Variants in SRGAP3 observed in about 807,000 individuals in gnomAD.
The protein encoded by SRGAP3 is SLIT-ROBO Rho GTPase activating protein 3, also known as SLIT-ROBO Rho GTPase-activating protein 3.
SRGAP3 carries 39 observed loss-of-function variants against 121.1 expected under a neutral mutation model. That is an observed-to-expected ratio of 0.32 (90% confidence interval 0.25 to 0.42). The LOEUF (loss-of-function observed/expected upper bound fraction) is 0.42. Ranked by LOEUF, SRGAP3 falls within the 10% of genes least tolerant of loss-of-function variation. SRGAP3 has a pLI of 1.00. For missense variants in SRGAP3, 1,213 were observed against 1,470.6 expected, an observed-to-expected ratio of 0.82 and a Z score of 2.86; for synonymous variants, 601 against 570.0, an observed-to-expected ratio of 1.05 and a Z score of -0.77.
chr3:9,360,512 T>C (rs2125298728), intron 1 of SRGAP3, among the ~76,000 whole-genome samples: 1 of 152,314 alleles, frequency 6.6e-6, no homozygotes, highest in East Asian at 1.9e-4. Context: ...TGGACGTGTA[T>C]TAGTCCATTT....
intron 1 of SRGAP3, among the ~76,000 whole-genome samples, chr3:9,148,935 A>C (rs1950116422): frequency 6.6e-6 from 1 of 152,096 alleles, no homozygotes; most frequent in Non-Finnish European, 1.5e-5. Flanking sequence ...GAAACTGGAG[A>C]CTGGGTATGG....
intron 1 of SRGAP3, among the ~76,000 whole-genome samples, chr3:9,227,671 C>T (rs951431586): frequency 1.3e-5 from 2 of 152,192 alleles, no homozygotes; most frequent in Non-Finnish European, 2.9e-5. Context: ...AATTACATTG[C>T]GATGTTTTTA....
chr3:9,256,882 G>A (rs969008355), intron 3 of SRGAP3: 1 of 398,588 alleles, frequency 2.5e-6, no homozygotes. Context: ...CTGCAATCTA[G>A]CTTAAAGCTT....
At chr3:9,024,221 G>A (rs1944072761) in intron 14 of SRGAP3, among the ~76,000 whole-genome samples, 1 of 152,188 alleles carries the variant, frequency 6.6e-6, no homozygotes, top group African/African-American at 2.4e-5. Flanking sequence ...GAAGAAGGCA[G>A]TAAATCAGAG....
At chr3:9,137,117 T>C (rs1450780549) in intron 1 of SRGAP3, among the ~76,000 whole-genome samples, 1 of 152,028 alleles carries the variant, frequency 6.6e-6, no homozygotes. Flanking sequence ...CACAGAGAGG[T>C]GAAATGACAT....
intron 11 of SRGAP3, chr3:9,034,802 A>G (rs921939980): frequency 6.6e-6 from 1 of 152,200 alleles, no homozygotes; most frequent in African/African-American, 2.4e-5. Flanking sequence ...CAAATACCAA[A>G]GGCAAAAGAG....
intron 20 of SRGAP3, chr3:8,992,585 G>A: frequency 2.2e-6 from 1 of 460,676 alleles, no homozygotes; most frequent in Non-Finnish European, 4.0e-6. Flanking sequence ...GCTGGAAGGA[G>A]GTGCAGGAAC....
At chr3:9,046,298 G>A (rs1003177056) in intron 10 of SRGAP3, among the ~76,000 whole-genome samples, 1 of 152,240 alleles carries the variant, frequency 6.6e-6, no homozygotes, top group African/African-American at 2.4e-5. Flanking sequence ...GGTGCTGACT[G>A]CAAAGGAGCA....
At chr3:9,197,353 G>A (rs973574032) in intron 1 of SRGAP3, among the ~76,000 whole-genome samples, 1 of 152,216 alleles carries the variant, frequency 6.6e-6, no homozygotes. Flanking sequence ...AAGTCATCCT[G>A]CTGAGAACTG....
intron 21 of SRGAP3, among the ~76,000 whole-genome samples, chr3:8,987,186 T>C (rs1389072599): frequency 6.6e-6 from 1 of 152,186 alleles, no homozygotes; most frequent in Non-Finnish European, 1.5e-5. Context: ...GTGGTGGTTT[T>C]CAAAATCCTT....
chr3:9,237,078 C>T (rs1953439629), intron 1 of SRGAP3, among the ~76,000 whole-genome samples: 1 of 152,182 alleles, frequency 6.6e-6, no homozygotes, highest in Non-Finnish European at 1.5e-5. Context: ...GATTTTTCAT[C>T]TTCCTGCATT....
chr3:9,253,641 A>G (rs911552825), upstream of SRGAP3, among the ~76,000 whole-genome samples: 2 of 152,240 alleles, frequency 1.3e-5, no homozygotes, highest in African/African-American at 4.8e-5. Context: ...ATCCTTGGGC[A>G]GCTCAGTGAA....
chr3:9,086,510 A>G (rs1311887212), intron 3 of SRGAP3, among the ~76,000 whole-genome samples: 1 of 127,504 alleles, frequency 7.8e-6, no homozygotes, highest in Admixed American at 8.2e-5. Flanking sequence ...ACAGAATGAG[A>G]CTGTTTCAAA....
At chr3:9,112,590 C>G (rs1948669545) in intron 2 of SRGAP3, among the ~76,000 whole-genome samples, 1 of 152,122 alleles carries the variant, frequency 6.6e-6, no homozygotes, top group African/African-American at 2.4e-5. Flanking sequence ...ATACATGGAG[C>G]CTGGAGAGTC....
chr3:9,356,344 A>C (rs1575033240), intron 1 of SRGAP3, among the ~76,000 whole-genome samples: 1 of 131,968 alleles, frequency 7.6e-6, no homozygotes. Context: ...GGTATGCACT[A>C]TCATGGCCAG....
chr3:9,267,821 A>C (rs999616827), intron 3 of SRGAP3, among the ~76,000 whole-genome samples: 1 of 152,164 alleles, frequency 6.6e-6, no homozygotes, highest in Admixed American at 6.5e-5. Context: ...TAATAATGGG[A>C]ATAACAGTTG....
chr3:9,139,885 A>G (rs1456384268), intron 1 of SRGAP3, among the ~76,000 whole-genome samples: 1 of 152,166 alleles, frequency 6.6e-6, no homozygotes, highest in African/African-American at 2.4e-5. Context: ...CAAGATTTGC[A>G]TGATCTAGAC....
intron 4 of SRGAP3, 84 bp downstream of exon 4, chr3:9,079,941 G>C (rs1560097964): frequency 2.7e-6 from 4 of 1,490,926 alleles, no homozygotes; most frequent in Non-Finnish European, 3.7e-6. Flanking sequence ...GGTCATTCCA[G>C]ACCTCTGTTT....
intron 3 of SRGAP3, among the ~76,000 whole-genome samples, chr3:9,259,611 T>C (rs763497510): frequency 1.7e-4 from 26 of 152,098 alleles, no homozygotes; most frequent in Non-Finnish European, 2.9e-4. Flanking sequence ...CCCAGCTACA[T>C]ATTTGTTTGT....
Sources: allele counts gnomAD v4.1 joint callset (sites outside exome capture counted in the v4.1 genomes callset), GRCh38; gene constraint gnomAD v4.1.1; transcripts MANE v1.5; gene names NCBI Gene and HGNC (gene_info 2026-07-23, HGNC 2026-07-21).